CTNNA2: variants seen among roughly 807,000 people sequenced by gnomAD.
CTNNA2 encodes catenin alpha 2.
In CTNNA2, 42 loss-of-function variants were observed where a neutral mutation model predicts 101.0. The observed-to-expected ratio is 0.42, with a 90% CI of 0.32 to 0.54. The LOEUF is 0.54. CTNNA2 is among the 20% of genes least tolerant of loss of function. CTNNA2 has a pLI of 0.14. For missense variants in CTNNA2, 871 were observed against 1,223.1 expected (o/e 0.71, Z 4.29); for synonymous variants, 450 against 456.4 (o/e 0.99, Z 0.18).
At chr2:80,470,945 G>C (rs1685251715) in intron 9 of CTNNA2, among the ~76,000 whole-genome samples, 1 of 152,152 alleles carries the variant, frequency 6.6e-6, no homozygotes. Flanking sequence ...AGGGAGAGGA[G>C]GCAGCCATGC....
chr2:80,436,585 A>G (rs944742063), intron 9 of CTNNA2, among the ~76,000 whole-genome samples: 1 of 152,100 alleles, frequency 6.6e-6, no homozygotes, highest in Non-Finnish European at 1.5e-5. Flanking sequence ...ATGGTGCTGG[A>G]ACAAAATACC....
chr2:80,555,549 A>G (rs1016529048), intron 11 of CTNNA2, 144 bp from the exon 12 acceptor site: 16 of 438,684 alleles, frequency 3.6e-5, no homozygotes, highest in African/African-American at 1.8e-4. Context: ...ATTATAAACT[A>G]TGTCCTTTAC....
intron 7 of CTNNA2, among the ~76,000 whole-genome samples, chr2:80,022,783 T>G (rs1436047457): frequency 6.6e-6 from 1 of 152,152 alleles, no homozygotes; most frequent in Non-Finnish European, 1.5e-5. Context: ...GCCTTTCATG[T>G]GGAGGCAAGA....
chr2:79,852,005 T>C (rs570362696), intron 3 of CTNNA2, among the ~76,000 whole-genome samples: 1 of 152,236 alleles, frequency 6.6e-6, no homozygotes, highest in South Asian at 2.1e-4. Context: ...CTCGAAGTGC[T>C]GGGATTACAG....
intron 2 of CTNNA2, among the ~76,000 whole-genome samples, chr2:79,695,883 C>T (rs796930749): frequency 1.3e-5 from 2 of 152,084 alleles, no homozygotes; most frequent in African/African-American, 4.8e-5. Flanking sequence ...GGTTTGGGGG[C>T]TTAGGATTTT....
intron 2 of CTNNA2, among the ~76,000 whole-genome samples, chr2:79,220,164 A>ATGTGTGTGTGTGTATATATATATG (rs1674323324): frequency 5.3e-5 from 8 of 151,432 alleles, no homozygotes; most frequent in African/African-American, 1.7e-4. Context: ...ATATATATGT[A>ATGTGTGTGTGTGTATATATATATG]TGTGTGTGTG....
rs578112444 is a variant in CTNNA2, at chr2:80,107,178, A to G, written c.1056+197381A>G. 5.9e-5 allele frequency among the ~76,000 whole-genome samples: 9 copies of G among 152,236 alleles called. 1 individual carries two copies. The highest frequency in any genetic ancestry group is 1.9e-4 in the East Asian group (1 of 5,158). ...CCCATGGCCCAAAGTGAGAACTTCTATCCCTGTGTGCCCACTCTCTCCTGA... is the reference window on the plus strand; with the variant it reads ...CCCATGGCCCAAAGTGAGAACTTCTGTCCCTGTGTGCCCACTCTCTCCTGA... On this transcript the variant is annotated intron_variant, in intron 7 of 18. Transcript: ENST00000402739.
intron 4 of CTNNA2, among the ~76,000 whole-genome samples, chr2:79,399,998 A>C (rs1446145250): frequency 6.6e-6 from 1 of 152,014 alleles, no homozygotes; most frequent in Non-Finnish European, 1.5e-5. Context: ...ATGTGCCCAA[A>C]GTGGTTGGAG....
At chr2:80,368,074 A>G (rs1396097843) in intron 7 of CTNNA2, among the ~76,000 whole-genome samples, 1 of 152,160 alleles carries the variant, frequency 6.6e-6, no homozygotes, top group African/African-American at 2.4e-5. Context: ...TTCCTGTGGT[A>G]GAGATCACAC....
At chr2:80,098,537 A>C (rs545055476) in intron 7 of CTNNA2, among the ~76,000 whole-genome samples, 1 of 152,340 alleles carries the variant, frequency 6.6e-6, no homozygotes, top group African/African-American at 2.4e-5. Flanking sequence ...CAAAGCTGTC[A>C]GACAGGGACA....
chr2:80,489,386 G>A (rs1175170169), intron 9 of CTNNA2, among the ~76,000 whole-genome samples: 2 of 152,078 alleles, frequency 1.3e-5, no homozygotes, highest in East Asian at 3.8e-4. Flanking sequence ...TAAATTCTAA[G>A]ATCTGGTATA....
Position 80,615,153 on chromosome 2 carries a change from C to T in CTNNA2, c.2431-3932C>T, listed in dbSNP as rs1698749512. ...GGATTTTGTCATTGATTTTACACAT[C>T]TTTCCATTACCTTAGCTGGTTAAAA... On this transcript the variant is annotated intron_variant, in intron 17 of 18. Transcript: ENST00000402739. 2.6e-5 allele frequency among the ~76,000 whole-genome samples: 4 copies of T among 151,498 alleles called. No individual in the cohort carries two copies. In the South Asian group the frequency reaches 8.3e-4, roughly 31 times the overall value.
intron 1 of CTNNA2, among the ~76,000 whole-genome samples, chr2:79,597,869 A>G (rs566679284): frequency 1.3e-5 from 2 of 152,318 alleles, no homozygotes; most frequent in East Asian, 3.9e-4. Context: ...GTATAATAAC[A>G]TGTGTCTACC....
At position 79,874,361 on chromosome 2, in the gene CTNNA2, T is replaced by A. The variant is rs370189620; in HGVS notation, c.852+19T>A. 3 of 1,608,840 alleles carry A rather than the reference T, an allele frequency of 1.9e-6. No homozygotes were observed. In the African/African-American group the frequency reaches 4.1e-5, roughly 22 times the overall value. On this transcript the variant is annotated intron_variant, in intron 6 of 18. Transcript: ENST00000402739. The stretch of plus-strand genomic sequence containing the variant: ...GTTTGACGTAAGCATCCTGGTGAGG[T>A]ACACAGAGGGGTGGGCACTGGTGTT...
At chr2:79,613,508 G>GC (rs1678424088) in intron 1 of CTNNA2, among the ~76,000 whole-genome samples, 1 of 151,996 alleles carries the variant, frequency 6.6e-6, no homozygotes. Flanking sequence ...CAGACTTCCT[G>GC]TGTTTGCTTC....
chr2:80,230,307 G>C (rs1401418486), intron 7 of CTNNA2, among the ~76,000 whole-genome samples: 4 of 143,374 alleles, frequency 2.8e-5, no homozygotes, highest in Admixed American at 7.0e-5. Flanking sequence ...TGTTGTTCAG[G>C]CTGGTCTTGA....
At chr2:79,774,952 G>A (rs1228363089) in intron 3 of CTNNA2, among the ~76,000 whole-genome samples, 1 of 151,976 alleles carries the variant, frequency 6.6e-6, no homozygotes, top group Non-Finnish European at 1.5e-5. Context: ...TAACATTAGG[G>A]GTCATTTTTA....
At position 80,545,079 on chromosome 2, in the gene CTNNA2, G is replaced by A; in HGVS notation, c.1383+5G>A. ...ATTGACAGCCTGTGTCCCCAGGTAA[G>A]CCTCATTCACTTTGTTTCAAAAGCC... On this transcript the variant is annotated splice_donor_5th_base_variant and intron_variant, in intron 10 of 18. Coordinates refer to ENST00000402739, the MANE Select transcript of CTNNA2 (RefSeq NM_001282597.3). 1 of 1,613,454 alleles carries A rather than the reference G, an allele frequency of 6.2e-7. No homozygotes were observed. The highest frequency in any genetic ancestry group is 8.5e-7 in the Non-Finnish European group (1 of 1,179,704).
intron 3 of CTNNA2, among the ~76,000 whole-genome samples, chr2:79,784,498 G>A (rs2105217980): frequency 6.7e-6 from 1 of 150,026 alleles, no homozygotes; most frequent in Middle Eastern, 3.4e-3. Context: ...AGCTCTGTTG[G>A]GATGTCTAGG....
Sources: gnomAD v4.1 joint callset for allele counts (sites outside exome capture counted in the v4.1 genomes callset) on GRCh38, gnomAD v4.1.1 for gene constraint, MANE v1.5 for transcripts, NCBI Gene and HGNC (gene_info 2026-07-23, HGNC 2026-07-21) for gene names.